Variants in PNLIPRP1 observed in about 807,000 individuals in gnomAD.
PNLIPRP1 encodes pancreatic lipase related protein 1, also known as inactive pancreatic lipase-related protein 1.
In PNLIPRP1, 57 loss-of-function variants were observed where a neutral mutation model predicts 54.6. The ratio of observed to expected loss-of-function variants is 1.04; its 90% confidence interval spans 0.84 to 1.30. PNLIPRP1 has a LOEUF of 1.30. Ranked by LOEUF, PNLIPRP1 falls within the 50% of genes most tolerant of loss-of-function variation. The probability of loss-of-function intolerance (pLI) is 0.00; values close to 1 mark genes in which losing one functional copy is unlikely to be tolerated. For synonymous variants in PNLIPRP1, 232 were observed against 208.8 expected, an observed-to-expected ratio of 1.11 and a Z score of -0.96; for missense variants, 567 against 568.5, an observed-to-expected ratio of 1.00 and a Z score of 0.03.
At chr10:116,598,210 T>G in intron 8 of PNLIPRP1, 44 bp downstream of exon 8, 1 of 1,550,620 alleles carries the variant, frequency 6.4e-7, no homozygotes, top group Non-Finnish European at 8.7e-7. Flanking sequence ...GGTACTTTCC[T>G]GGAGTGACCA....
chr10:116,595,835 T>C (rs1317650892), intron 5 of PNLIPRP1: 1 of 171,118 alleles, frequency 5.8e-6, no homozygotes, highest in African/African-American at 2.4e-5. Context: ...TCCACACTGA[T>C]GGGGTGGGGA....
At chr10:116,597,485 C>T (rs1847756208) in intron 6 of PNLIPRP1, among the ~76,000 whole-genome samples, 3 of 152,226 alleles carry the variant, frequency 2.0e-5, no homozygotes, top group Admixed American at 6.5e-5. Context: ...CACATTGCTT[C>T]ACCCCTTTCT....
intron 1 of PNLIPRP1, 54 bp downstream of exon 1, chr10:116,591,049 A>G: frequency 2.8e-6 from 3 of 1,068,876 alleles, no homozygotes; most frequent in Non-Finnish European, 2.9e-6. Flanking sequence ...GGTGAGGTAA[A>G]CAGTACTGAA....
chr10:116,603,810 T>A, intron 10 of PNLIPRP1, among the ~76,000 whole-genome samples: 1 of 152,114 alleles, frequency 6.6e-6, no homozygotes, highest in East Asian at 1.9e-4. Flanking sequence ...GAAGAATTAC[T>A]TGAACCTGGG....
chr10:116,596,230 C>T lies in PNLIPRP1; in HGVS notation c.482C>T (p.Pro161Leu), dbSNP rs1000301278. The T allele has an allele frequency of 6.2e-7, 1 of 1,611,950 alleles. No individual in the cohort carries two copies. Among genetic ancestry groups the T allele is most frequent in the Non-Finnish European group, 8.5e-7 (1 of 1,178,146 alleles). Residue 161 changes from proline to leucine, a missense_variant, in exon 6 of 13, where the codon CCC (proline) becomes CTC (leucine). Coordinates refer to ENST00000358834, the MANE Select transcript of PNLIPRP1 (RefSeq NM_006229.4). ...CCTCTCCAGACAGAGTATAGCTACC[C>T]CCCTTCCAAAGTTCACCTCATTGGC... Reference protein sequence around the residue: ...LDILLTEYSYPPSKVHLIGHS... With the variant: ...LDILLTEYSYLPSKVHLIGHS...
In PNLIPRP1 at chr10:116,604,017, A is replaced by G; in HGVS notation, c.1064-13A>G. On this transcript the variant is annotated splice_polypyrimidine_tract_variant and intron_variant, in intron 10 of 12. Transcript: ENST00000358834. ...GTGTGTGAATAAATTGAACTCTTCC[A>G]TCTCCTGTGCAGGCTGGAGATATGG... is the stretch of plus-strand genomic sequence containing the variant. 1 of 1,564,812 alleles carries G rather than the reference A, an allele frequency of 6.4e-7. No homozygotes were observed. The highest frequency in any genetic ancestry group is 8.8e-7 in the Non-Finnish European group (1 of 1,138,354).
chr10:116,607,105 ATT>A (rs1554865656), intron 12 of PNLIPRP1, among the ~76,000 whole-genome samples: 1 of 151,886 alleles, frequency 6.6e-6, no homozygotes, highest in Non-Finnish European at 1.5e-5. Flanking sequence ...ATCCCCTCAT[ATT>A]TTTTAGTAAC....
chr10:116,607,528 G>A lies in PNLIPRP1; in HGVS notation c.1341-1525G>A, dbSNP rs782492882. 6.8e-4 allele frequency among the ~76,000 whole-genome samples: 104 copies of A among 152,296 alleles called. 2 individuals are homozygous for A. Among genetic ancestry groups the A allele is most frequent in the Middle Eastern group, 3.4e-3 (1 of 294 alleles). ...GAGGCAGGGAGTAGGAGGGAGGAAG[G>A]GCACAGGGGCAGGGCAACAGGTCCA... On this transcript the variant is annotated intron_variant, in intron 12 of 12. Coordinates refer to ENST00000358834, the MANE Select transcript of PNLIPRP1 (RefSeq NM_006229.4).
rs1847983395 is a variant in PNLIPRP1, at chr10:116,609,067, G to A, written c.1355G>A (p.Ser452Asn). Residue 452 changes from serine to asparagine, a missense_variant, in exon 13 of 13, where the codon AGC becomes AAC. Ser to Asn is a conservative substitution (Grantham distance 46, BLOSUM62 1). Transcript: ENST00000358834. ...GEEKTVYNFC[S>N]EDTVREDTLL... The stretch of plus-strand genomic sequence containing the variant: ...TTTCTCCCCAGGTACAACTTCTGTA[G>A]CGAAGACACAGTGCGGGAAGACACG... 1 of 1,613,210 alleles carries A rather than the reference G, an allele frequency of 6.2e-7. No homozygotes were observed. The highest frequency in any genetic ancestry group is 8.5e-7 in the Non-Finnish European group (1 of 1,179,292).
intron 5 of PNLIPRP1, 120 bp from the exon 6 acceptor site, chr10:116,596,094 T>C: frequency 2.8e-6 from 2 of 710,576 alleles, no homozygotes; most frequent in Non-Finnish European, 5.0e-6. Flanking sequence ...AGTTTGGGCT[T>C]GATCCTGAAG....
intron 6 of PNLIPRP1, 142 bp downstream of exon 6, chr10:116,596,464 A>C: frequency 1.8e-6 from 1 of 567,086 alleles, no homozygotes; most frequent in Non-Finnish European, 3.2e-6. Context: ...TGCACAGAAC[A>C]TTTTAGGGAG....
rs781966841 is a variant in PNLIPRP1 at position 116,596,273 on chromosome 10, C to A, written c.525C>A (p.His175Gln). Residue 175 changes from histidine (H) to glutamine (Q), a missense_variant, in exon 6 of 13, where the codon CAC becomes CAA. His to Gln is a conservative substitution (Grantham distance 24, BLOSUM62 0). Coordinates refer to ENST00000358834, the MANE Select transcript of PNLIPRP1 (RefSeq NM_006229.4). ...VHLIGHSLGA[H>Q]VAGEAGSKTP... is the part of the protein sequence containing the mutation. ...TCATTGGCCACAGCCTGGGAGCCCA[C>A]GTGGCTGGAGAGGCAGGAAGCAAGA... The A allele has an allele frequency of 3.7e-6, 6 of 1,613,896 alleles. No individual in the cohort carries two copies. The highest frequency in any genetic ancestry group is 1.6e-4 in the Middle Eastern group (1 of 6,084).
At position 116,592,475 on chromosome 10, in the gene PNLIPRP1, G is replaced by T; in HGVS notation, c.264G>T (p.Lys88Asn). The T allele has an allele frequency of 6.2e-7, 1 of 1,614,030 alleles. No homozygotes were observed. The highest frequency in any genetic ancestry group is 1.3e-5 in the African/African-American group (1 of 75,046). ...IEASNFQMDR[K>N]TRFIIHGFID... Reference sequence around the variant, plus strand: ...CATCAAATTTTCAAATGGACAGAAAGACCCGGTTCATCATCCATGGCTTCA... The same window carrying T: ...CATCAAATTTTCAAATGGACAGAAATACCCGGTTCATCATCCATGGCTTCA... Residue 88 changes from lysine to asparagine, a missense_variant, in exon 4 of 13, where the codon AAG (lysine) becomes AAT (asparagine). Physicochemically the swap from Lys to Asn is moderately conservative, Grantham distance 94. Coordinates refer to ENST00000358834, the MANE Select transcript of PNLIPRP1 (RefSeq NM_006229.4).
At chr10:116,603,679 G>A (rs1259508608) in intron 10 of PNLIPRP1, among the ~76,000 whole-genome samples, 1 of 152,134 alleles carries the variant, frequency 6.6e-6, no homozygotes, top group Non-Finnish European at 1.5e-5. Context: ...GATCACTTGA[G>A]GTCAGGAGTT....
At chr10:116,594,445 A>G in intron 4 of PNLIPRP1, 2 of 535,182 alleles carry the variant, frequency 3.7e-6, no homozygotes, top group Non-Finnish European at 7.0e-6. Flanking sequence ...TTCATGATGC[A>G]ATTGTTTTTC....
At position 116,601,279 on chromosome 10, in the gene PNLIPRP1, CTGAAA is replaced by C. The variant is rs576420670; in HGVS notation, c.1063+80_1063+84del. 4.9e-3 allele frequency: 6,488 copies of C among 1,323,880 alleles called. 23 individuals carry two copies. The highest frequency in any genetic ancestry group is 5.8e-3 in the Non-Finnish European group (5,510 of 954,998). The allele number at this position is 1,323,880 out of a possible 1,614,324, so 82.0% of individuals were successfully genotyped here. A position where few individuals can be genotyped will look rare whatever the true frequency, so the allele number is the denominator to read the frequency against. On this transcript the variant is annotated intron_variant, in intron 10 of 12. Coordinates refer to ENST00000358834, the MANE Select transcript of PNLIPRP1 (RefSeq NM_006229.4). ...TACAAATGAGGGGCTTGCTTTCAAC[CTGAAA>C]TATTTGTGGGTACATTTTAATTATC...
At position 116,594,738 on chromosome 10, in the gene PNLIPRP1, C is replaced by T. The variant is rs202053226; in HGVS notation, c.339C>T (p.Phe113=). The T allele has an allele frequency of 1.5e-5, 25 of 1,614,014 alleles. No homozygotes were observed. Among genetic ancestry groups the T allele is most frequent in the Admixed American group, 3.3e-5 (2 of 60,002 alleles). Reference sequence around the variant, plus strand: ...TATCTCCCCAACACCAGAAACTGTTCGAGGTGGAGGAGGTGAACTGCATCT... The same window carrying T: ...TATCTCCCCAACACCAGAAACTGTTTGAGGTGGAGGAGGTGAACTGCATCT... ...SWVTDMCKKL[F]EVEEVNCICV... The change falls in exon 5 of 13, where the codon TTC becomes TTT. Residue 113 remains phenylalanine (F), a synonymous_variant. Transcript: ENST00000358834.
chr10:116,597,730 T>G, intron 6 of PNLIPRP1, 98 bp from the exon 7 acceptor site: 93 of 1,359,734 alleles, frequency 6.8e-5, no homozygotes, highest in Non-Finnish European at 9.1e-5. Flanking sequence ...TGGTACCCAT[T>G]GAGTTGGGCA....
intron 8 of PNLIPRP1, among the ~76,000 whole-genome samples, chr10:116,598,873 T>C (rs1406274168): frequency 6.6e-6 from 1 of 152,184 alleles, no homozygotes; most frequent in Non-Finnish European, 1.5e-5. Context: ...AAACCCTTAG[T>C]AGTCTGACCA....
Sources: allele counts gnomAD v4.1 joint callset (sites outside exome capture counted in the v4.1 genomes callset), GRCh38; gene constraint gnomAD v4.1.1; transcripts MANE v1.5; gene names NCBI Gene and HGNC (gene_info 2026-07-23, HGNC 2026-07-21).